The following UCK2 variants were observed in gnomAD, a reference collection of about 807,000 sequenced individuals.
The protein encoded by UCK2 is cytidine monophosphokinase 2.
Under a neutral mutation model 30.8 loss-of-function variants are expected in UCK2, and 6 were observed. That is an observed-to-expected ratio of 0.19 (90% CI 0.11 to 0.38). The LOEUF is 0.38. Ranked by LOEUF, UCK2 falls within the 10% of genes least tolerant of loss-of-function variation. The pLI is 1.00. For missense variants in UCK2, 210 were observed against 339.8 expected (o/e 0.62, Z 3.00); for synonymous variants, 125 against 133.6 (o/e 0.94, Z 0.45).
rs779422201 is a variant in UCK2, at chr1:165,827,883, G to A, written c.50G>A (p.Gly17Asp). Residue 17 changes from glycine (G) to aspartate (D), a missense_variant, in exon 1 of 7, where the codon GGC becomes GAC. By Grantham distance (94) the Gly-to-Asp change is moderately conservative (BLOSUM62 -1). Around this residue, in one of 4 missense-constraint regions of UCK2, gnomAD observed 50 missense variants for 41.0 expected, o/e 1.22. Transcript: ENST00000367879. Reference sequence around the variant, plus strand: ...CTGCAGAACCACCAGCAGCCCAACGGCGGCGAGCCCTTCCTTATAGGCGTC... The same window carrying A: ...CTGCAGAACCACCAGCAGCCCAACGACGGCGAGCCCTTCCTTATAGGCGTC... ...QTLQNHQQPN[G>D]GEPFLIGVSG... 3.4e-6 allele frequency: 5 copies of A among 1,479,830 alleles called. No homozygotes were observed. The highest frequency in any genetic ancestry group is 4.5e-6 in the Non-Finnish European group (5 of 1,108,270). 91.7% of individuals were successfully genotyped at this position (1,479,830 alleles called of 1,614,324 possible).
intron 1 of UCK2, among the ~76,000 whole-genome samples, chr1:165,839,929 C>G (rs922683735): frequency 2.6e-5 from 4 of 152,190 alleles, no homozygotes; most frequent in Non-Finnish European, 5.9e-5. Context: ...CCTTCCCCCA[C>G]CCCGGCCCCC....
At chr1:165,831,586 A>G (rs1358420465) in intron 1 of UCK2, among the ~76,000 whole-genome samples, 1 of 152,136 alleles carries the variant, frequency 6.6e-6, no homozygotes, top group Non-Finnish European at 1.5e-5. Context: ...CTCTGAAACG[A>G]GAAAAATCTG....
chr1:165,831,127 T>C (rs1654036198), intron 1 of UCK2, among the ~76,000 whole-genome samples: 2 of 151,058 alleles, frequency 1.3e-5, no homozygotes, highest in African/African-American at 4.9e-5. Flanking sequence ...CAAAAAAGGT[T>C]ATGGCTGAGT....
In UCK2 at chr1:165,903,199, G is replaced by A. The variant is rs532450720; in HGVS notation, c.517G>A (p.Glu173Lys). Residue 173 changes from glutamate (E) to lysine (K), a missense_variant, in exon 5 of 7, where the codon GAG (glutamate) becomes AAG (lysine). Physicochemically the swap from Glu to Lys is moderately conservative, Grantham distance 56. Around this residue, in one of 4 missense-constraint regions of UCK2, gnomAD observed 47 missense variants for 128.7 expected, o/e 0.37. Coordinates refer to ENST00000367879, the MANE Select transcript of UCK2 (RefSeq NM_012474.5). ...LSRRVLRDISERGRDLEQILS... is the reference protein window; with the variant it reads ...LSRRVLRDISKRGRDLEQILS... Reference sequence around the variant, plus strand: ...TCTTACAGTATTAAGGGACATCAGCGAGAGAGGCAGGGATCTTGAGCAGAT... The same window carrying A: ...TCTTACAGTATTAAGGGACATCAGCAAGAGAGGCAGGGATCTTGAGCAGAT... 4.3e-5 allele frequency: 70 copies of A among 1,614,066 alleles called. 1 individual carries two copies. Among genetic ancestry groups the A allele is most frequent in the South Asian group, 3.0e-4 (27 of 91,074 alleles).
Position 165,885,196 on chromosome 1 carries a change from C to G in UCK2, c.100-5008C>G, listed in dbSNP as rs141360623. Reference sequence around the variant, plus strand: ...GGTGAATGCCAAAGCGGCTTATGTTCTAAAATAGTGAAAAGAATTGTGCAG... The same window carrying G: ...GGTGAATGCCAAAGCGGCTTATGTTGTAAAATAGTGAAAAGAATTGTGCAG... On this transcript the variant is annotated intron_variant, in intron 1 of 6. Coordinates refer to ENST00000367879, the MANE Select transcript of UCK2 (RefSeq NM_012474.5). The G allele has an allele frequency of 1.5e-4, 59 of 389,588 alleles. No individual in the cohort carries two copies. In the East Asian group the frequency reaches 2.1e-3, roughly 14 times the overall value. 24.1% of individuals were successfully genotyped at this position (389,588 alleles called of 1,614,324 possible). A position where few individuals can be genotyped will look rare whatever the true frequency, so the allele number is the denominator to read the frequency against.
intron 4 of UCK2, among the ~76,000 whole-genome samples, chr1:165,896,982 TTC>T (rs2101884870): frequency 6.6e-6 from 1 of 152,138 alleles, no homozygotes; most frequent in East Asian, 1.9e-4. Flanking sequence ...CAGCAGAGAG[TTC>T]GCTTCCACCA....
chr1:165,842,848 C>T (rs6678380), intron 1 of UCK2, among the ~76,000 whole-genome samples: 63,034 of 152,040 alleles, frequency 0.41, 14,349 homozygotes, highest in Non-Finnish European at 0.51. Flanking sequence ...AGCCTTGCTT[C>T]CTGTCACTCC....
intron 1 of UCK2, among the ~76,000 whole-genome samples, chr1:165,833,390 C>T (rs1174434899): frequency 6.6e-6 from 1 of 152,114 alleles, no homozygotes; most frequent in East Asian, 1.9e-4. Flanking sequence ...TTGCTGTCTG[C>T]TCTGCCTGAA....
At chr1:165,835,164 G>C (rs1232586906) in intron 1 of UCK2, among the ~76,000 whole-genome samples, 1 of 152,054 alleles carries the variant, frequency 6.6e-6, no homozygotes, top group Non-Finnish European at 1.5e-5. Context: ...CCCTTCGCAG[G>C]CTTCTAGTCT....
At chr1:165,890,921 A>T in intron 2 of UCK2, 2 of 344,084 alleles carry the variant, frequency 5.8e-6, no homozygotes, top group South Asian at 5.4e-5. Context: ...TCAGTTTAGC[A>T]TGTGCCAATC....
At chr1:165,850,616 ATTT>A (rs3077616) in intron 1 of UCK2, among the ~76,000 whole-genome samples, 11,498 of 116,756 alleles carry the variant, frequency 0.098, 615 homozygotes, top group Non-Finnish European at 0.12. Context: ...TAATTTTTAA[ATTT>A]TTTTTTTTTT....
intron 1 of UCK2, among the ~76,000 whole-genome samples, chr1:165,829,734 GT>G (rs1653995688): frequency 4.6e-5 from 7 of 152,224 alleles, no homozygotes; most frequent in African/African-American, 1.4e-4. Flanking sequence ...TGGGATAGTG[GT>G]GAGCCAATGT....
chr1:165,833,613 T>G lies in UCK2; in HGVS notation c.99+5681T>G, dbSNP rs539249506. 7.2e-5 allele frequency among the ~76,000 whole-genome samples: 11 copies of G among 152,308 alleles called. 1 individual carries two copies. The South Asian group carries it at 2.3e-3, about 32-fold the overall frequency. ...GTTCACTACATAGCATTTGCTTTCA[T>G]GTCATTTCTTTGTCAAATCTTGCTT... On this transcript the variant is annotated intron_variant, in intron 1 of 6. Coordinates refer to ENST00000367879, the MANE Select transcript of UCK2 (RefSeq NM_012474.5).
chr1:165,899,896 T>C (rs546339557), intron 4 of UCK2, among the ~76,000 whole-genome samples: 2 of 152,282 alleles, frequency 1.3e-5, no homozygotes, highest in Admixed American at 1.3e-4. Flanking sequence ...CGGAGGTTCT[T>C]GGGGAGCAGA....
At chr1:165,880,080 C>G (rs1395095002) in intron 1 of UCK2, among the ~76,000 whole-genome samples, 1 of 152,208 alleles carries the variant, frequency 6.6e-6, no homozygotes, top group African/African-American at 2.4e-5. Flanking sequence ...CAACAAAGCA[C>G]TGTTGTGCTG....
At chr1:165,883,785 A>G (rs904742307) in intron 1 of UCK2, among the ~76,000 whole-genome samples, 1 of 152,154 alleles carries the variant, frequency 6.6e-6, no homozygotes, top group Non-Finnish European at 1.5e-5. Context: ...GTTCTTCACA[A>G]TAAATCTTGC....
intron 4 of UCK2, among the ~76,000 whole-genome samples, chr1:165,897,651 T>C (rs1292253722): frequency 6.6e-6 from 1 of 152,160 alleles, no homozygotes; most frequent in African/African-American, 2.4e-5. Flanking sequence ...GGTAATTTTC[T>C]CTTTTCGGTT....
chr1:165,909,041 G>C lies in UCK2; in HGVS notation c.*1218G>C, dbSNP rs1474060053. 1 of 152,194 alleles carries C rather than the reference G, an allele frequency of 6.6e-6. No individual in the cohort carries two copies. Among genetic ancestry groups the C allele is most frequent in the Non-Finnish European group, 1.5e-5 (1 of 68,032 alleles). 9.4% of individuals were successfully genotyped at this position (152,194 alleles called of 1,614,324 possible). A position where few individuals can be genotyped will look rare whatever the true frequency, so the allele number is the denominator to read the frequency against. ...GATATGGCAACTGCAGAGCATAAAA[G>C]GGGCTCGGAAAAGCAGTTTTTACAA... On this transcript the variant is annotated 3_prime_UTR_variant, in exon 7 of 7. Transcript: ENST00000367879.
chr1:165,889,237 G>A (rs1655701595), intron 1 of UCK2, among the ~76,000 whole-genome samples: 1 of 152,194 alleles, frequency 6.6e-6, no homozygotes, highest in Non-Finnish European at 1.5e-5. Flanking sequence ...CTGTGGACTG[G>A]AGCAAAAGTA....
Sources: gnomAD v4.1 joint callset for allele counts (sites outside exome capture counted in the v4.1 genomes callset) on GRCh38, gnomAD v4.1.1 for gene constraint, gnomAD v4.1.1 regional missense constraint, MANE v1.5 for transcripts, NCBI Gene and HGNC (gene_info 2026-07-23, HGNC 2026-07-21) for gene names.